Variants in TTLL6 observed in about 807,000 individuals in gnomAD.
TTLL6 encodes tubulin polyglutamylase TTLL6.
Under a neutral mutation model 96.4 loss-of-function variants are expected in TTLL6, and 75 were observed. The ratio of observed to expected loss-of-function variants is 0.78; its 90% confidence interval spans 0.65 to 0.94. The LOEUF is 0.94. Ranked by LOEUF, TTLL6 falls within the 40% of genes least tolerant of loss-of-function variation. The probability of loss-of-function intolerance (pLI) is 0.00; values close to 1 mark genes in which losing one functional copy is unlikely to be tolerated. For synonymous variants in TTLL6, 411 were observed against 419.4 expected (o/e 0.98, Z 0.24); for missense variants, 1,030 against 1,093.0 (o/e 0.94, Z 0.81).
At chr17:48,764,015 C>T (rs2038541792) in intron 15 of TTLL6, among the ~76,000 whole-genome samples, 1 of 150,694 alleles carries the variant, frequency 6.6e-6, no homozygotes, top group Non-Finnish European at 1.5e-5. Context: ...AAGCACCTGT[C>T]ACCTCAGCTA....
rs746955268 is a variant in TTLL6, at chr17:48,801,621, G to A, written c.384C>T (p.Tyr128=). ...CGTCTTCCCCTCCCTCTCTAAAGCC[G>A]TACTGTTGGGCAGCCCTGCGCACTA... ...YESVRRAAQQ[Y]GFREGGEDDD... Residue 128 remains tyrosine, a synonymous_variant, in exon 4 of 16, where the codon TAC becomes TAT. Transcript: ENST00000393382. 24 of 1,551,484 alleles carry A rather than the reference G, an allele frequency of 1.5e-5. No homozygotes were observed. Among genetic ancestry groups the A allele is most frequent in the East Asian group, 4.9e-5 (2 of 40,926 alleles).
chr17:48,814,279 A>G (rs572738184), intron 1 of TTLL6, among the ~76,000 whole-genome samples: 2 of 134,402 alleles, frequency 1.5e-5, no homozygotes, highest in Non-Finnish European at 3.0e-5. Context: ...AGATCGCACC[A>G]CTGCCCTCCA....
chr17:48,764,065 A>G (rs1471969369), intron 15 of TTLL6, among the ~76,000 whole-genome samples: 2 of 151,994 alleles, frequency 1.3e-5, no homozygotes, highest in African/African-American at 4.8e-5. Flanking sequence ...GAGCCTGGGA[A>G]GTTGAGGCTG....
intron 3 of TTLL6, 115 bp downstream of exon 3, chr17:48,803,776 C>G (rs1272044469): frequency 9.4e-7 from 1 of 1,065,466 alleles, no homozygotes; most frequent in Non-Finnish European, 1.4e-6. Context: ...AACTGAAGGA[C>G]AGGATTTGAA....
At chr17:48,805,186 C>A (rs974806086) in intron 1 of TTLL6, among the ~76,000 whole-genome samples, 195 bp from the exon 2 acceptor site, 2 of 152,208 alleles carry the variant, frequency 1.3e-5, no homozygotes, top group Non-Finnish European at 2.9e-5. Flanking sequence ...TTGGCTGTGA[C>A]CTTGGAGACT....
At chr17:48,810,821 GTGTGTATATATATA>G (rs1309343661) in intron 1 of TTLL6, among the ~76,000 whole-genome samples, 1 of 51,634 alleles carries the variant, frequency 1.9e-5, no homozygotes, top group Non-Finnish European at 3.5e-5. Context: ...TATAGTATGT[GTGTGTATATATATA>G]TATATATATA....
intron 13 of TTLL6, among the ~76,000 whole-genome samples, chr17:48,773,980 G>C (rs2038804819): frequency 6.7e-6 from 1 of 150,002 alleles, no homozygotes; most frequent in Non-Finnish European, 1.5e-5. Flanking sequence ...TACTTGGGAG[G>C]CTGAGGCAGG....
In TTLL6 at chr17:48,786,354, T is replaced by C; in HGVS notation, c.1590-19A>G. On this transcript the variant is annotated intron_variant, in intron 11 of 15. Coordinates refer to ENST00000393382, the MANE Select transcript of TTLL6 (RefSeq NM_001130918.3). ...CAGTTGCCTGCCCATGAAGAACAAG[T>C]GAACATCATGGGGGTTAGAAATGCG... 6.2e-7 allele frequency: 1 copy of C among 1,614,160 alleles called. No homozygotes were observed.
At chr17:48,800,869 C>G (rs952689162) in intron 5 of TTLL6, among the ~76,000 whole-genome samples, 1 of 152,142 alleles carries the variant, frequency 6.6e-6, no homozygotes, top group African/African-American at 2.4e-5. Context: ...AGAGGTCAGG[C>G]ATCCCTCCCT....
chr17:48,785,350 T>C lies in TTLL6; in HGVS notation c.1762-149A>G. The C allele has an allele frequency of 3.5e-6, 4 of 1,138,566 alleles. No homozygotes were observed. The South Asian group carries it at 6.4e-5, about 18-fold the overall frequency. 70.5% of individuals were successfully genotyped at this position (1,138,566 alleles called of 1,614,324 possible). On this transcript the variant is annotated intron_variant, in intron 12 of 15. Transcript: ENST00000393382. Reference sequence around the variant, plus strand: ...TCTCTCTAATGTGGGGCTCTCAACTTGGAATTCTGGGACCCTTAGAGGACT... The same window carrying C: ...TCTCTCTAATGTGGGGCTCTCAACTCGGAATTCTGGGACCCTTAGAGGACT...
chr17:48,786,159 T>A lies in TTLL6; in HGVS notation c.1761+5A>T, dbSNP rs780283272. On this transcript the variant is annotated splice_donor_5th_base_variant and intron_variant, in intron 12 of 15. Coordinates refer to ENST00000393382, the MANE Select transcript of TTLL6 (RefSeq NM_001130918.3). Reference sequence around the variant, plus strand: ...CTACGTGTGTTCCCCTCAATCCAGGTTTACCTGTTTGGAGGCTTGGGTGGC... The same window carrying A: ...CTACGTGTGTTCCCCTCAATCCAGGATTACCTGTTTGGAGGCTTGGGTGGC... 2 of 1,614,116 alleles carry A rather than the reference T, an allele frequency of 1.2e-6. No individual in the cohort carries two copies. The highest frequency in any genetic ancestry group is 8.5e-7 in the Non-Finnish European group (1 of 1,180,002).
chr17:48,785,600 A>G (rs2039076095), intron 12 of TTLL6, among the ~76,000 whole-genome samples: 1 of 152,166 alleles, frequency 6.6e-6, no homozygotes, highest in African/African-American at 2.4e-5. Flanking sequence ...CCACTGAGCT[A>G]GAAGAGAGTG....
At chr17:48,773,659 T>C (rs374574891) in intron 13 of TTLL6, among the ~76,000 whole-genome samples, 40 of 151,978 alleles carry the variant, frequency 2.6e-4, no homozygotes, top group African/African-American at 9.6e-4. Context: ...AAGATTGAGG[T>C]TGCAGTGAGC....
chr17:48,788,771 A>T (rs1026198339), intron 10 of TTLL6, among the ~76,000 whole-genome samples: 1 of 152,162 alleles, frequency 6.6e-6, no homozygotes, highest in Non-Finnish European at 1.5e-5. Context: ...AAGGCCACAC[A>T]GCACTCCACC....
chr17:48,804,705 C>A, intron 2 of TTLL6, 67 bp downstream of exon 2: 2 of 1,335,884 alleles, frequency 1.5e-6, no homozygotes, highest in African/African-American at 1.5e-5. Flanking sequence ...AGCCAAGACC[C>A]CCTTCCCTCC....
chr17:48,788,301 C>G (rs549724878), intron 10 of TTLL6, among the ~76,000 whole-genome samples: 1 of 152,236 alleles, frequency 6.6e-6, no homozygotes, highest in East Asian at 1.9e-4. Flanking sequence ...ACTAGGCAGA[C>G]TGTCGCCACC....
At chr17:48,780,354 A>T (rs2038963077) in intron 13 of TTLL6, among the ~76,000 whole-genome samples, 2 of 152,132 alleles carry the variant, frequency 1.3e-5, no homozygotes, top group South Asian at 4.1e-4. Flanking sequence ...ACTCTACTTT[A>T]AAAAATCCAT....
chr17:48,769,507 G>A (rs1291480843), intron 14 of TTLL6, among the ~76,000 whole-genome samples: 1 of 152,240 alleles, frequency 6.6e-6, no homozygotes, highest in Non-Finnish European at 1.5e-5. Context: ...GGTGAAGAAG[G>A]GAACTGGACA....
intron 15 of TTLL6, 115 bp downstream of exon 15, chr17:48,768,874 A>T (rs2038671525): frequency 3.6e-6 from 4 of 1,123,494 alleles, no homozygotes; most frequent in African/African-American, 1.5e-5. Flanking sequence ...TTCATTGTCT[A>T]CTTACCTGTA....
Sources: allele counts gnomAD v4.1 joint callset (sites outside exome capture counted in the v4.1 genomes callset), GRCh38; gene constraint gnomAD v4.1.1; transcripts MANE v1.5; gene names NCBI Gene and HGNC (gene_info 2026-07-23, HGNC 2026-07-21).